FGF12: variants seen among roughly 807,000 people sequenced by gnomAD.
FGF12 encodes fibroblast growth factor 12.
In FGF12, 14 loss-of-function variants were observed where a neutral mutation model predicts 23.6. The ratio of observed to expected loss-of-function variants is 0.59; its 90% CI spans 0.39 to 0.93. The LOEUF (loss-of-function observed/expected upper bound fraction) is 0.93. Ranked by LOEUF, FGF12 falls within the 40% of genes least tolerant of loss-of-function variation. The pLI is 0.00. For synonymous variants in FGF12, 62 were observed against 77.3 expected, an observed-to-expected ratio of 0.80 and a Z score of 1.04; for missense variants, 175 against 217.8, an observed-to-expected ratio of 0.80 and a Z score of 1.24.
At chr3:192,455,106 G>A (rs919155137) in intron 2 of FGF12, among the ~76,000 whole-genome samples, 15 of 152,086 alleles carry the variant, frequency 9.9e-5, no homozygotes, top group Non-Finnish European at 1.8e-4. Flanking sequence ...CTTATTGCTT[G>A]GAAAAGAGTG....
chr3:192,428,315 G>A (rs951427934), intron 2 of FGF12, among the ~76,000 whole-genome samples: 3 of 152,150 alleles, frequency 2.0e-5, no homozygotes, highest in African/African-American at 4.8e-5. Flanking sequence ...AATTAAAGGT[G>A]TGTTAGAGGG....
At chr3:192,691,847 G>A (rs1717953893) in intron 2 of FGF12, among the ~76,000 whole-genome samples, 1 of 151,768 alleles carries the variant, frequency 6.6e-6, no homozygotes, top group African/African-American at 2.4e-5. Context: ...TACAATAAAT[G>A]CCTCAGAAAT....
chr3:192,297,120 G>C (rs370057880), intron 4 of FGF12, among the ~76,000 whole-genome samples: 1 of 152,124 alleles, frequency 6.6e-6, no homozygotes, highest in South Asian at 2.1e-4. Flanking sequence ...AAAAGTACTA[G>C]GGTCAATATA....
chr3:192,583,910 G>A (rs565513838), intron 2 of FGF12, among the ~76,000 whole-genome samples: 1 of 152,218 alleles, frequency 6.6e-6, no homozygotes, highest in East Asian at 1.9e-4. Context: ...GCTTTACAAA[G>A]CCTGCTGAGC....
intron 2 of FGF12, among the ~76,000 whole-genome samples, chr3:192,656,280 GAC>G (rs61645270): frequency 0.17 from 18,873 of 110,316 alleles, 1,555 homozygotes; most frequent in Admixed American, 0.36. Flanking sequence ...AAGGTGAAAA[GAC>G]ACACACACAC....
chr3:192,706,451 G>A (rs1265597608), intron 2 of FGF12, among the ~76,000 whole-genome samples: 1 of 151,994 alleles, frequency 6.6e-6, no homozygotes, highest in African/African-American at 2.4e-5. Context: ...AACAGCACCC[G>A]GATGAATTCC....
At chr3:192,260,147 T>C (rs1298169936) in intron 4 of FGF12, among the ~76,000 whole-genome samples, 1 of 152,172 alleles carries the variant, frequency 6.6e-6, no homozygotes, top group Non-Finnish European at 1.5e-5. Context: ...AAAATGTTCC[T>C]ATGCCTAGCA....
chr3:192,686,702 G>C (rs1027425096), intron 2 of FGF12, among the ~76,000 whole-genome samples: 2 of 151,174 alleles, frequency 1.3e-5, no homozygotes, highest in Non-Finnish European at 2.9e-5. Flanking sequence ...AGGGATGGAG[G>C]TATATGAGGG....
At chr3:192,526,061 C>A (rs566472062) in intron 2 of FGF12, among the ~76,000 whole-genome samples, 1 of 152,188 alleles carries the variant, frequency 6.6e-6, no homozygotes, top group Admixed American at 6.5e-5. Flanking sequence ...CATGAGCCAC[C>A]GCGCCTGGCC....
intron 4 of FGF12, among the ~76,000 whole-genome samples, chr3:192,254,160 C>A (rs929472448): frequency 6.6e-6 from 1 of 151,790 alleles, no homozygotes; most frequent in African/African-American, 2.4e-5. Context: ...TATCCTTTGA[C>A]CAATATCTCC....
At chr3:192,675,790 T>C (rs1717307415) in intron 2 of FGF12, among the ~76,000 whole-genome samples, 1 of 152,172 alleles carries the variant, frequency 6.6e-6, no homozygotes, top group Admixed American at 6.5e-5. Context: ...AAGTCAACAA[T>C]TCCCTGATGT....
In FGF12 at chr3:192,580,630, C is replaced by T. The variant is rs533316904; in HGVS notation, c.13+146551G>A. On this transcript the variant is annotated intron_variant, in intron 2 of 5. Transcript: ENST00000445105. Reference sequence around the variant, plus strand: ...GTTTTGTTTTGTTTTGTTTTTGAGACGGAGTCTCATTCTGTTACCCAGGCT... The same window carrying T: ...GTTTTGTTTTGTTTTGTTTTTGAGATGGAGTCTCATTCTGTTACCCAGGCT... 3.3e-5 allele frequency among the ~76,000 whole-genome samples: 5 copies of T among 152,222 alleles called. No homozygotes were observed. In the East Asian group the frequency reaches 9.6e-4, roughly 29 times the overall value.
intron 2 of FGF12, among the ~76,000 whole-genome samples, chr3:192,670,150 A>G (rs1717057288): frequency 6.6e-6 from 1 of 152,342 alleles, no homozygotes; most frequent in East Asian, 1.9e-4. Flanking sequence ...TATTGAATGC[A>G]GAAGTAGATT....
At chr3:192,305,614 T>C (rs1357505199) in intron 4 of FGF12, among the ~76,000 whole-genome samples, 5 of 146,576 alleles carry the variant, frequency 3.4e-5, no homozygotes, top group African/African-American at 1.3e-4. Flanking sequence ...TCTAAACTCC[T>C]GCACATGATA....
chr3:192,680,437 C>A (rs113902906), intron 2 of FGF12, among the ~76,000 whole-genome samples: 1,935 of 152,128 alleles, frequency 0.013, 41 homozygotes, highest in African/African-American at 0.044. Context: ...TGGTGGCCTT[C>A]GGTTGGGAGG....
intron 2 of FGF12, among the ~76,000 whole-genome samples, chr3:192,724,789 A>G (rs1265324095): frequency 6.6e-6 from 1 of 152,218 alleles, no homozygotes; most frequent in Non-Finnish European, 1.5e-5. Context: ...ATGCTGGACA[A>G]ATGCTCTAAG....
chr3:192,650,719 T>C (rs1338622612), intron 2 of FGF12, among the ~76,000 whole-genome samples: 1 of 152,204 alleles, frequency 6.6e-6, no homozygotes, highest in African/African-American at 2.4e-5. Context: ...ATCTGAAGTA[T>C]TCTTGACCTA....
At chr3:192,323,415 A>G (rs1470594111) in intron 4 of FGF12, among the ~76,000 whole-genome samples, 1 of 152,198 alleles carries the variant, frequency 6.6e-6, no homozygotes, top group East Asian at 1.9e-4. Context: ...CTGCAACAAC[A>G]TTGATAGAAC....
chr3:192,205,900 G>A (rs1336054723), intron 4 of FGF12, among the ~76,000 whole-genome samples: 1 of 151,694 alleles, frequency 6.6e-6, no homozygotes. Context: ...GCATATTGAA[G>A]GTCCAGTTCA....
Sources: gnomAD v4.1 joint callset for allele counts (sites outside exome capture counted in the v4.1 genomes callset) on GRCh38, gnomAD v4.1.1 for gene constraint, MANE v1.5 for transcripts, NCBI Gene and HGNC (gene_info 2026-07-23, HGNC 2026-07-21) for gene names.